MYO5B: variants seen among roughly 807,000 people sequenced by gnomAD.
MYO5B encodes the protein myosin VB.
In MYO5B, 143 loss-of-function variants were observed where a neutral mutation model predicts 229.3. The ratio of observed to expected loss-of-function variants is 0.62; its 90% CI spans 0.54 to 0.72. MYO5B has a LOEUF of 0.72. Ranked by LOEUF, MYO5B falls within the 30% of genes least tolerant of loss-of-function variation. The probability of loss-of-function intolerance (pLI) is 0.00; values close to 1 mark genes in which losing one functional copy is unlikely to be tolerated. For synonymous variants in MYO5B, 918 were observed against 885.2 expected, an observed-to-expected ratio of 1.04 and a Z score of -0.66; for missense variants, 2,321 against 2,331.0, an observed-to-expected ratio of 1.00 and a Z score of 0.09.
At chr18:49,890,871 T>C (rs1390639813) in intron 22 of MYO5B, among the ~76,000 whole-genome samples, 1 of 152,190 alleles carries the variant, frequency 6.6e-6, no homozygotes, top group East Asian at 1.9e-4. Context: ...TTTAAAGTAG[T>C]GATTAAAGCA....
intron 22 of MYO5B, among the ~76,000 whole-genome samples, chr18:49,884,764 G>A (rs767158190): frequency 6.6e-6 from 1 of 152,102 alleles, no homozygotes; most frequent in South Asian, 2.1e-4. Flanking sequence ...CTCATAGCAT[G>A]AGTATATAAA....
chr18:49,838,590 C>T (rs961290886), intron 36 of MYO5B, among the ~76,000 whole-genome samples: 1 of 152,184 alleles, frequency 6.6e-6, no homozygotes, highest in African/African-American at 2.4e-5. Context: ...GGTACACTTT[C>T]CTTCCCAGCC....
At chr18:49,912,586 A>G (rs1347766039) in intron 17 of MYO5B, among the ~76,000 whole-genome samples, 1 of 152,162 alleles carries the variant, frequency 6.6e-6, no homozygotes, top group Non-Finnish European at 1.5e-5. Context: ...GTGGTAGTGA[A>G]TAAGTCTCAT....
intron 1 of MYO5B, among the ~76,000 whole-genome samples, chr18:50,184,900 A>AT (rs1349838568): frequency 7.1e-4 from 68 of 95,714 alleles, no homozygotes; most frequent in African/African-American, 2.6e-3. Flanking sequence ...ACACAGAAAA[A>AT]AATATATATA....
chr18:50,175,033 C>A (rs2032975706), intron 1 of MYO5B, among the ~76,000 whole-genome samples: 1 of 152,208 alleles, frequency 6.6e-6, no homozygotes. Context: ...AAAGCTAAAT[C>A]ATCAGCTTCC....
At position 50,152,850 on chromosome 18, in the gene MYO5B, T is replaced by C. The variant is rs2032620415; in HGVS notation, c.27+41917A>G. On this transcript the variant is annotated intron_variant, in intron 1 of 39. Transcript: ENST00000285039. ...TTGGTGTTCATTAAAAGAAATAGTATGTATTCTCAAAACTAAAAAAAAAAA... is the reference window on the plus strand; with the variant it reads ...TTGGTGTTCATTAAAAGAAATAGTACGTATTCTCAAAACTAAAAAAAAAAA... Among the ~76,000 whole-genome samples the C allele has an allele frequency of 2.3e-5, 3 of 132,148 alleles. No homozygotes were observed. The South Asian group carries it at 7.6e-4, about 33-fold the overall frequency. 86.7% of individuals were successfully genotyped at this position (132,148 alleles called of 152,430 possible).
At chr18:50,105,900 T>C (rs1242981551) in intron 1 of MYO5B, among the ~76,000 whole-genome samples, 2 of 152,126 alleles carry the variant, frequency 1.3e-5, no homozygotes, top group Non-Finnish European at 2.9e-5. Flanking sequence ...CAGAGCTCTT[T>C]GTTGACTCTC....
At chr18:49,965,054 G>A (rs950492802) in intron 10 of MYO5B, among the ~76,000 whole-genome samples, 6 of 152,196 alleles carry the variant, frequency 3.9e-5, no homozygotes, top group African/African-American at 7.2e-5. Flanking sequence ...ACTGTGAGCC[G>A]GGGGAGAGTG....
chr18:50,142,296 G>A (rs971599457), intron 1 of MYO5B, among the ~76,000 whole-genome samples: 1 of 152,206 alleles, frequency 6.6e-6, no homozygotes, highest in African/African-American at 2.4e-5. Context: ...TTGGCAAAAT[G>A]TGTTATCAGA....
chr18:50,146,241 G>C (rs2032500145), intron 1 of MYO5B, among the ~76,000 whole-genome samples: 2 of 152,346 alleles, frequency 1.3e-5, no homozygotes, highest in East Asian at 1.9e-4. Flanking sequence ...CCTCACTTTA[G>C]AGATGGGGAA....
intron 34 of MYO5B, among the ~76,000 whole-genome samples, chr18:49,842,323 G>A (rs746120479): frequency 2.6e-5 from 4 of 152,166 alleles, no homozygotes; most frequent in Non-Finnish European, 2.9e-5. Flanking sequence ...TTTTAGAGCC[G>A]TGAGTGGATA....
chr18:49,842,632 A>G (rs1487869352), intron 34 of MYO5B, among the ~76,000 whole-genome samples: 1 of 152,230 alleles, frequency 6.6e-6, no homozygotes, highest in Non-Finnish European at 1.5e-5. Flanking sequence ...ATGTGTGGAC[A>G]GGCCTCACCC....
At chr18:50,070,418 G>A (rs2030928987) in intron 1 of MYO5B, among the ~76,000 whole-genome samples, 1 of 151,956 alleles carries the variant, frequency 6.6e-6, no homozygotes, top group African/African-American at 2.4e-5. Flanking sequence ...CTCATCTGGG[G>A]TGGGGGACAA....
intron 31 of MYO5B, among the ~76,000 whole-genome samples, chr18:49,852,463 T>C (rs2024213130): frequency 6.6e-6 from 1 of 152,148 alleles, no homozygotes; most frequent in Non-Finnish European, 1.5e-5. Context: ...CATGTGTATG[T>C]AAGTGCTATT....
At chr18:49,880,032 A>G (rs2024569188) in intron 23 of MYO5B, among the ~76,000 whole-genome samples, 1 of 152,166 alleles carries the variant, frequency 6.6e-6, no homozygotes, top group Admixed American at 6.5e-5. Context: ...GAGCCCCCCG[A>G]TGTCTGGACC....
chr18:49,875,040 A>G (rs116927504), intron 26 of MYO5B, among the ~76,000 whole-genome samples: 1 of 152,260 alleles, frequency 6.6e-6, no homozygotes, highest in East Asian at 1.9e-4. Context: ...AATTTCTCTT[A>G]TATTGTTATC....
At chr18:50,149,261 A>G (rs1430756422) in intron 1 of MYO5B, among the ~76,000 whole-genome samples, 5 of 151,744 alleles carry the variant, frequency 3.3e-5, no homozygotes, top group Non-Finnish European at 7.4e-5. Flanking sequence ...CATACTGCCC[A>G]AGGTAATTTA....
chr18:50,075,397 A>G (rs2031055989), intron 1 of MYO5B, among the ~76,000 whole-genome samples: 1 of 152,174 alleles, frequency 6.6e-6, no homozygotes, highest in Non-Finnish European at 1.5e-5. Context: ...TTCCATGGTG[A>G]AATTAACCTA....
intron 1 of MYO5B, among the ~76,000 whole-genome samples, chr18:50,088,877 T>C (rs2031386893): frequency 6.6e-6 from 1 of 152,218 alleles, no homozygotes; most frequent in Non-Finnish European, 1.5e-5. Context: ...TCCAAAAGAC[T>C]TGGCCCAACA....
Sources: allele counts gnomAD v4.1 joint callset (sites outside exome capture counted in the v4.1 genomes callset), GRCh38; gene constraint gnomAD v4.1.1; transcripts MANE v1.5; gene names NCBI Gene and HGNC (gene_info 2026-07-23, HGNC 2026-07-21).